Variants in RBPJ observed in about 807,000 individuals in gnomAD.
The protein encoded by RBPJ is recombination signal binding protein for immunoglobulin kappa J region, also known as recombining binding protein suppressor of hairless.
Under a neutral mutation model 67.8 loss-of-function variants are expected in RBPJ, and 9 were observed. That is an observed-to-expected ratio of 0.13 (90% CI 0.08 to 0.23). The LOEUF (loss-of-function observed/expected upper bound fraction) is 0.23. Among genes scored for constraint, RBPJ ranks in the 10% least tolerant of loss-of-function variants. RBPJ has a pLI of 1.00. For missense variants in RBPJ, 305 were observed against 595.6 expected (o/e 0.51, Z 5.08); for synonymous variants, 198 against 203.3 (o/e 0.97, Z 0.22).
chr4:26,308,275 C>CAA (rs543391606), intron 1 of RBPJ, among the ~76,000 whole-genome samples: 17 of 130,354 alleles, frequency 1.3e-4, no homozygotes, highest in African/African-American at 3.4e-4. Flanking sequence ...GACTCCATCT[C>CAA]AAAAAAAAAA....
At chr4:26,194,349 T>G (rs184418371) in intron 1 of RBPJ, among the ~76,000 whole-genome samples, 331 of 152,288 alleles carry the variant, frequency 2.2e-3, no homozygotes, top group Non-Finnish European at 3.4e-3. Context: ...AACATGCACA[T>G]GAGCACACAC....
chr4:26,348,110 C>T lies in RBPJ; in HGVS notation c.20+27062C>T, dbSNP rs569059241. The stretch of plus-strand genomic sequence containing the variant: ...CTGAGTAGCTGGGATTACAGGCACA[C>T]GCTACCACGCCTGGCTAATTTTGTA... On this transcript the variant is annotated intron_variant, in intron 1 of 10. Coordinates refer to ENST00000355476, the MANE Select transcript of RBPJ (RefSeq NM_015874.6). 3.3e-5 allele frequency among the ~76,000 whole-genome samples: 5 copies of T among 151,984 alleles called. 1 individual carries two copies. The highest frequency in any genetic ancestry group is 4.2e-4 in the South Asian group (2 of 4,808).
chr4:26,207,655 A>T (rs1577472049), intron 1 of RBPJ, among the ~76,000 whole-genome samples: 1 of 152,198 alleles, frequency 6.6e-6, no homozygotes, highest in East Asian at 1.9e-4. Context: ...CCTGAATACA[A>T]CAGAGAAGCA....
the RBPJ span, among the ~76,000 whole-genome samples, chr4:26,141,460 C>T: frequency 1.3e-5 from 2 of 152,192 alleles, no homozygotes; most frequent in Admixed American, 1.3e-4. Context: ...AGGCCCGGAA[C>T]GCCCAGGAAC....
At chr4:26,165,302 T>C (rs1716229869) in intron 1 of RBPJ, among the ~76,000 whole-genome samples, 1 of 152,236 alleles carries the variant, frequency 6.6e-6, no homozygotes, top group African/African-American at 2.4e-5. Flanking sequence ...GCTATAATTA[T>C]CTATGCTGAT....
chr4:26,402,900 A>G lies in RBPJ; in HGVS notation c.60-3275A>G, dbSNP rs962388412. Among the ~76,000 whole-genome samples, 9 of 152,264 alleles carry G rather than the reference A, an allele frequency of 5.9e-5. No homozygotes were observed. The East Asian group carries it at 1.3e-3, about 23-fold the overall frequency. ...AGGTCCCAGGGGCACTTCAGAGTTGACTTTTGTCAGCAGAACCTAGTAATA... is the reference window on the plus strand; with the variant it reads ...AGGTCCCAGGGGCACTTCAGAGTTGGCTTTTGTCAGCAGAACCTAGTAATA... On this transcript the variant is annotated intron_variant, in intron 2 of 10. Coordinates refer to ENST00000355476, the MANE Select transcript of RBPJ (RefSeq NM_015874.6).
At chr4:26,160,527 G>A (rs1269590202), upstream of RBPJ, among the ~76,000 whole-genome samples, 1 of 152,214 alleles carries the variant, frequency 6.6e-6, no homozygotes, top group Admixed American at 6.5e-5. Context: ...GTCAGGATAA[G>A]ACAGTTAATG....
At chr4:26,272,652 T>A (rs7680528) in intron 1 of RBPJ, 242,690 of 448,548 alleles carry the variant, frequency 0.54, 67,084 homozygotes, top group Admixed American at 0.66. Context: ...GCATTTTGTC[T>A]TCATTTTTTC....
chr4:26,137,754 A>G, the RBPJ span, among the ~76,000 whole-genome samples: 1 of 152,196 alleles, frequency 6.6e-6, no homozygotes, highest in African/African-American at 2.4e-5. Context: ...AACCTGGCCT[A>G]TGGGTCATCA....
chr4:26,210,683 T>C (rs1313456999), intron 1 of RBPJ, among the ~76,000 whole-genome samples: 5 of 37,126 alleles, frequency 1.3e-4, no homozygotes, highest in African/African-American at 5.2e-4. Context: ...TCTTTCTTTC[T>C]TTCCTTTCTT....
At chr4:26,198,254 CAAAAAACAAAAAAACA>C (rs56026517) in intron 1 of RBPJ, among the ~76,000 whole-genome samples, 55 of 149,082 alleles carry the variant, frequency 3.7e-4, no homozygotes, top group African/African-American at 1.1e-3. Context: ...AACTCCATCT[CAAAAAACAAAAAAACA>C]AAAAAACAAA....
the RBPJ span, among the ~76,000 whole-genome samples, chr4:26,156,334 G>T: frequency 0.86 from 129,911 of 151,560 alleles, 56,292 homozygotes; most frequent in East Asian, 0.96. Context: ...ATCCAGGCTT[G>T]TTTGTTTGTT....
chr4:26,341,062 T>A (rs1319249592), intron 1 of RBPJ, among the ~76,000 whole-genome samples: 3 of 151,840 alleles, frequency 2.0e-5, no homozygotes, highest in Non-Finnish European at 4.4e-5. Context: ...AATTTGGGAG[T>A]CATCAACATA....
intron 1 of RBPJ, among the ~76,000 whole-genome samples, chr4:26,286,048 G>GCTATGATCGTGCCGCTGCAGTGCT (rs1213817998): frequency 1.3e-5 from 2 of 152,234 alleles, no homozygotes; most frequent in Admixed American, 1.3e-4. Flanking sequence ...GCTGCAGTGC[G>GCTATGATCGTGCCGCTGCAGTGCT]CTATGATCGT....
chr4:26,324,599 A>G (rs1232934226), intron 1 of RBPJ, among the ~76,000 whole-genome samples: 1 of 152,108 alleles, frequency 6.6e-6, no homozygotes, highest in Admixed American at 6.6e-5. Context: ...GCACAATCTT[A>G]GCTCACTGCA....
the RBPJ span, among the ~76,000 whole-genome samples, chr4:26,143,441 A>C: frequency 2.6e-5 from 4 of 152,244 alleles, no homozygotes; most frequent in African/African-American, 9.6e-5. Flanking sequence ...TGTTACTTGT[A>C]GTGGAGCCAT....
intron 1 of RBPJ, among the ~76,000 whole-genome samples, chr4:26,214,697 G>A (rs1184163648): frequency 1.3e-5 from 1 of 79,536 alleles, no homozygotes; most frequent in Admixed American, 1.4e-4. Flanking sequence ...AGGGAGGAAG[G>A]ATGGAAGGAA....
At chr4:26,133,648 C>T in the RBPJ span, among the ~76,000 whole-genome samples, 1 of 152,144 alleles carries the variant, frequency 6.6e-6, no homozygotes, top group East Asian at 1.9e-4. Flanking sequence ...TAGGGAACTG[C>T]ACATATGAGG....
the RBPJ span, among the ~76,000 whole-genome samples, chr4:26,142,049 CT>C: frequency 0.022 from 3,341 of 152,364 alleles, 129 homozygotes; most frequent in African/African-American, 0.076. Flanking sequence ...CACGATGTTC[CT>C]TGCCGTGGTT....
Sources: gnomAD v4.1 joint callset for allele counts (sites outside exome capture counted in the v4.1 genomes callset) on GRCh38, gnomAD v4.1.1 for gene constraint, MANE v1.5 for transcripts, NCBI Gene and HGNC (gene_info 2026-07-23, HGNC 2026-07-21) for gene names.